TOPAZ1: variants seen among roughly 807,000 people sequenced by gnomAD.
TOPAZ1 encodes testis and ovary specific TOPAZ 1, also known as protein TOPAZ1.
A neutral mutation model predicts 172.2 loss-of-function variants in TOPAZ1; 66 were observed. The ratio of observed to expected loss-of-function variants is 0.38; its 90% confidence interval spans 0.31 to 0.47. The LOEUF (loss-of-function observed/expected upper bound fraction) is 0.47. TOPAZ1 is among the 20% of genes least tolerant of loss of function. TOPAZ1 has a pLI of 0.99. For synonymous variants in TOPAZ1, 681 were observed against 683.9 expected (o/e 1.00, Z 0.07); for missense variants, 1,822 against 1,972.4 (o/e 0.92, Z 1.44).
intron 2 of TOPAZ1, among the ~76,000 whole-genome samples, chr3:44,252,436 CA>C (rs776918596): frequency 1.3e-4 from 20 of 152,320 alleles, no homozygotes; most frequent in Admixed American, 4.6e-4. Flanking sequence ...GAGAGTGTTT[CA>C]CTGGCTTTCA....
chr3:44,305,354 A>T (rs1043005490), intron 14 of TOPAZ1, 33 bp downstream of exon 14: 2 of 1,483,868 alleles, frequency 1.3e-6, no homozygotes, highest in Non-Finnish European at 1.8e-6. Context: ...AATATTGTGT[A>T]TGAGGATGGT....
In TOPAZ1 at chr3:44,323,007, G is replaced by A. The variant is rs1190351428; in HGVS notation, c.4472-85G>A. ...ATAATGGGTAAGAAAGGGTGAAGGG[G>A]AGGAGAAAGAAAAAGGAGTATGAGA... is the stretch of plus-strand genomic sequence containing the variant. On this transcript the variant is annotated intron_variant, in intron 17 of 19. Coordinates refer to ENST00000309765, the MANE Select transcript of TOPAZ1 (RefSeq NM_001145030.2). 1.9e-5 allele frequency: 16 copies of A among 843,200 alleles called. No homozygotes were observed. In the Admixed American group the frequency reaches 3.2e-4, roughly 17 times the overall value. The allele number at this position is 843,200 out of a possible 1,614,324, so 52.2% of individuals were successfully genotyped here.
In TOPAZ1 at chr3:44,267,089, A is replaced by G; in HGVS notation, c.3113A>G (p.Asn1038Ser). 6.5e-7 allele frequency: 1 copy of G among 1,547,332 alleles called. No homozygotes were observed. The highest frequency in any genetic ancestry group is 8.7e-7 in the Non-Finnish European group (1 of 1,145,216). Reference sequence around the variant, plus strand: ...CTGTGTTTATTAGTACCTCCTTTGAATCTAAGTGGTCGTCAAGAAGACACA... The same window carrying G: ...CTGTGTTTATTAGTACCTCCTTTGAGTCTAAGTGGTCGTCAAGAAGACACA... Reference protein sequence around the residue: ...KPLCLLVPPLNLSGRQEDTIL... With the variant: ...KPLCLLVPPLSLSGRQEDTIL... Residue 1038 changes from asparagine (N) to serine (S), a missense_variant, in exon 6 of 20, where the codon AAT becomes AGT. Around this residue, in one of 2 missense-constraint regions of TOPAZ1, gnomAD observed 1,489 missense variants for 1,490.8 expected, o/e 1.00. Coordinates refer to ENST00000309765, the MANE Select transcript of TOPAZ1 (RefSeq NM_001145030.2).
intron 15 of TOPAZ1, 26 bp from the exon 16 acceptor site, chr3:44,309,799 A>G (rs757412982): frequency 1.9e-5 from 27 of 1,417,474 alleles, no homozygotes; most frequent in East Asian, 1.5e-4. Flanking sequence ...TTGATACCCA[A>G]TTAGTGTTCT....
At chr3:44,254,711 A>G (rs1699675865) in intron 2 of TOPAZ1, among the ~76,000 whole-genome samples, 1 of 151,642 alleles carries the variant, frequency 6.6e-6, no homozygotes, top group Non-Finnish European at 1.5e-5. Flanking sequence ...CATGCTTTGT[A>G]TATCTTGTCA....
intron 15 of TOPAZ1, among the ~76,000 whole-genome samples, chr3:44,306,832 G>C (rs1181196939): frequency 1.3e-5 from 2 of 152,236 alleles, no homozygotes; most frequent in East Asian, 3.9e-4. Flanking sequence ...TGAGCAGTAG[G>C]ATATAAATAA....
At position 44,331,957 on chromosome 3, in the gene TOPAZ1, G is replaced by A; in HGVS notation, c.5025G>A (p.Trp1675Ter). ...TGGAACATTGTTCTGCCCTGAAATGGTTAAAAGAGAATATGAAGTGGGCTG... is the reference window on the plus strand; with the variant it reads ...TGGAACATTGTTCTGCCCTGAAATGATTAAAAGAGAATATGAAGTGGGCTG... The part of the protein sequence containing the change: ...YSLEHCSALK[W>*]LKENMKWAGK... The change falls in exon 20 of 20, where the codon TGG (tryptophan) becomes TGA (stop). Residue 1675 changes from tryptophan to a stop codon, truncating the protein, a stop_gained. Coordinates refer to ENST00000309765, the MANE Select transcript of TOPAZ1 (RefSeq NM_001145030.2). LOFTEE classifies it high-confidence loss of function. The A allele has an allele frequency of 6.4e-7, 1 of 1,550,728 alleles. No individual in the cohort carries two copies. The highest frequency in any genetic ancestry group is 1.2e-5 in the South Asian group (1 of 84,022).
intron 8 of TOPAZ1, among the ~76,000 whole-genome samples, chr3:44,273,380 C>A (rs1332655767): frequency 6.6e-6 from 1 of 152,184 alleles, no homozygotes; most frequent in Non-Finnish European, 1.5e-5. Flanking sequence ...TAAGAACTCT[C>A]TAATATAGCA....
intron 2 of TOPAZ1, 29 bp downstream of exon 2, chr3:44,245,300 G>A: frequency 6.7e-7 from 1 of 1,487,544 alleles, no homozygotes; most frequent in Non-Finnish European, 8.9e-7. Context: ...TCCTTTTAGT[G>A]CAGATTGTTG....
chr3:44,241,909 C>A lies in TOPAZ1; in HGVS notation c.-145C>A, dbSNP rs1306006028. The A allele has an allele frequency of 2.5e-6, 2 of 791,662 alleles. No individual in the cohort carries two copies. Among genetic ancestry groups the A allele is most frequent in the African/African-American group, 1.8e-5 (1 of 54,114 alleles). 49.0% of individuals were successfully genotyped at this position (791,662 alleles called of 1,614,324 possible). ...CCACTTCCGCTTACGCGCCCCACTTCCGCTTCCGGCCCCGGGCTGTGGTGA... is the reference window on the plus strand; with the variant it reads ...CCACTTCCGCTTACGCGCCCCACTTACGCTTCCGGCCCCGGGCTGTGGTGA... On this transcript the variant is annotated 5_prime_UTR_variant, in exon 1 of 20. Coordinates refer to ENST00000309765, the MANE Select transcript of TOPAZ1 (RefSeq NM_001145030.2).
In TOPAZ1 at chr3:44,242,285, G is replaced by T. The variant is rs372299173; in HGVS notation, c.232G>T (p.Ala78Ser). The T allele has an allele frequency of 4.5e-6, 7 of 1,550,884 alleles. No homozygotes were observed. The highest frequency in any genetic ancestry group is 1.7e-4 in the Middle Eastern group (1 of 6,010). ...TGCAGCATCAGGGGCTGGAAAGGCC[G>T]CAAGGCGTCAGGTGGAGGGGCGCAG... ...SVAASGAGKAARRQVEGRRGP... is the reference protein window; with the variant it reads ...SVAASGAGKASRRQVEGRRGP... Residue 78 changes from alanine (A) to serine (S), a missense_variant, in exon 1 of 20, where the codon GCA becomes TCA. Physicochemically the swap from Ala to Ser is moderately conservative, Grantham distance 99. Coordinates refer to ENST00000309765, the MANE Select transcript of TOPAZ1 (RefSeq NM_001145030.2).
At chr3:44,263,378 C>T (rs187750808) in intron 5 of TOPAZ1, among the ~76,000 whole-genome samples, 328 of 152,262 alleles carry the variant, frequency 2.2e-3, no homozygotes, top group Non-Finnish European at 3.6e-3. Flanking sequence ...TCTAGCATAG[C>T]GATCACCAGT....
intron 16 of TOPAZ1, among the ~76,000 whole-genome samples, chr3:44,314,360 G>A (rs1027060821): frequency 2.6e-5 from 4 of 152,112 alleles, no homozygotes; most frequent in African/African-American, 7.2e-5. Context: ...AATAATGTGA[G>A]TATTCACTAT....
rs1395708960 is a variant in TOPAZ1, at chr3:44,243,777, T to C, written c.1271T>C (p.Leu424Ser). The change falls in exon 2 of 20, where the codon TTG becomes TCG. Residue 424 changes from leucine (L) to serine (S), a missense_variant. Leu to Ser is a moderately radical substitution (Grantham distance 145). Coordinates refer to ENST00000309765, the MANE Select transcript of TOPAZ1 (RefSeq NM_001145030.2). ...AVFQKTIEPL[L>S]KEETENASEP... is the part of the protein sequence containing the mutation. ...TTTCAGAAAACCATTGAACCACTTT[T>C]GAAAGAAGAAACAGAGAATGCTTCA... is the stretch of plus-strand genomic sequence containing the variant. The C allele has an allele frequency of 3.9e-6, 6 of 1,551,698 alleles. No homozygotes were observed. Among genetic ancestry groups the C allele is most frequent in the Non-Finnish European group, 4.4e-6 (5 of 1,146,990 alleles).
intron 18 of TOPAZ1, among the ~76,000 whole-genome samples, chr3:44,325,872 G>C (rs920211799): frequency 2.6e-5 from 4 of 152,014 alleles, no homozygotes; most frequent in African/African-American, 9.7e-5. Flanking sequence ...TGAACTCCCA[G>C]CCTCAGGTCA....
intron 15 of TOPAZ1, among the ~76,000 whole-genome samples, chr3:44,309,042 TA>T (rs1700367544): frequency 6.6e-6 from 1 of 152,166 alleles, no homozygotes; most frequent in South Asian, 2.1e-4. Flanking sequence ...GTTATAAATT[TA>T]AAAAACAACA....
chr3:44,304,114 G>T, intron 13 of TOPAZ1, 33 bp downstream of exon 13: 1 of 1,277,564 alleles, frequency 7.8e-7, no homozygotes, highest in Non-Finnish European at 1.1e-6. Context: ...TACATTGCTG[G>T]GATCTCTGAA....
Position 44,244,939 on chromosome 3 carries a change from TC to T in TOPAZ1, c.2435del (p.Pro812LeufsTer4), listed in dbSNP as rs1466650792. On this transcript the variant is annotated frameshift_variant, in exon 2 of 20. Coordinates refer to ENST00000309765, the MANE Select transcript of TOPAZ1 (RefSeq NM_001145030.2). LOFTEE classifies it high-confidence loss of function. ...TVENNAFSCDPGYVEKSPSFC... is the reference protein window; with the variant it reads ...TVENNAFSCDXGYVEKSPSFC... ...TTGAAAATAATGCTTTTTCTTGTGA[TC>T]CTGGGTATGTAGAGAAAAGTCCTTC... 2 of 1,551,638 alleles carry T rather than the reference TC, an allele frequency of 1.3e-6. No homozygotes were observed. Among genetic ancestry groups the T allele is most frequent in the African/African-American group, 2.7e-5 (2 of 73,064 alleles).
At chr3:44,284,290 C>T (rs917882611) in intron 9 of TOPAZ1, among the ~76,000 whole-genome samples, 2 of 152,134 alleles carry the variant, frequency 1.3e-5, no homozygotes, top group Admixed American at 6.5e-5. Context: ...TCATTCTCAG[C>T]CCTTGATAAC....
Sources: gnomAD v4.1 joint callset for allele counts (sites outside exome capture counted in the v4.1 genomes callset) on GRCh38, gnomAD v4.1.1 for gene constraint, gnomAD v4.1.1 regional missense constraint, MANE v1.5 for transcripts, NCBI Gene and HGNC (gene_info 2026-07-23, HGNC 2026-07-21) for gene names.